PIK3C2G: variants seen among roughly 807,000 people sequenced by gnomAD.
PIK3C2G encodes phosphatidylinositol-4-phosphate 3-kinase catalytic subunit type 2 gamma, also known as phosphatidylinositol 3-kinase C2 domain-containing subunit gamma.
In PIK3C2G, 168 loss-of-function variants were observed where a neutral mutation model predicts 181.1. That is an observed-to-expected ratio of 0.93 (90% CI 0.82 to 1.05). The LOEUF (loss-of-function observed/expected upper bound fraction) is 1.05, where lower values mean the gene tolerates loss of function less well. PIK3C2G is among the 50% of genes least tolerant of loss of function. The pLI is 0.00. For missense variants in PIK3C2G, 1,869 were observed against 1,732.8 expected (o/e 1.08, Z -1.40); for synonymous variants, 573 against 592.2 (o/e 0.97, Z 0.47).
rs772599978 is a variant in PIK3C2G at position 18,594,484 on chromosome 12, T to G, written c.4012-10T>G. On this transcript the variant is annotated splice_polypyrimidine_tract_variant and intron_variant, in intron 29 of 32. Transcript: ENST00000538779. ...AATAAAGAAATATTATGTTTCATTT[T>G]GTTTTTCAGAGTGATTGTGTACTTA... The G allele has an allele frequency of 1.5e-5, 23 of 1,508,902 alleles. No homozygotes were observed. The highest frequency in any genetic ancestry group is 2.0e-5 in the Non-Finnish European group (23 of 1,122,322). 93.5% of individuals were successfully genotyped at this position (1,508,902 alleles called of 1,614,324 possible).
intron 14 of PIK3C2G, among the ~76,000 whole-genome samples, chr12:18,382,458 T>C (rs558751031): frequency 3.4e-4 from 51 of 152,168 alleles, no homozygotes; most frequent in Admixed American, 1.6e-3. Context: ...TGATTGTAGT[T>C]TGTCAGGTTG....
intron 14 of PIK3C2G, among the ~76,000 whole-genome samples, chr12:18,387,502 G>T (rs1943250376): frequency 6.6e-6 from 1 of 152,064 alleles, no homozygotes; most frequent in Admixed American, 6.6e-5. Flanking sequence ...TATGAATACT[G>T]TTCCCTGTCT....
At chr12:18,680,564 C>G in the PIK3C2G span, among the ~76,000 whole-genome samples, 5 of 152,050 alleles carry the variant, frequency 3.3e-5, no homozygotes, top group East Asian at 9.7e-4. Context: ...TATTTGAGAC[C>G]CTAACCAACC....
At chr12:18,328,424 C>T (rs527993280) in intron 8 of PIK3C2G, among the ~76,000 whole-genome samples, 2 of 152,062 alleles carry the variant, frequency 1.3e-5, no homozygotes, top group Admixed American at 6.5e-5. Context: ...AAAGAGGACA[C>T]ATAGGGATTT....
intron 18 of PIK3C2G, among the ~76,000 whole-genome samples, chr12:18,441,216 G>A (rs1946730611): frequency 2.0e-5 from 3 of 152,096 alleles, no homozygotes; most frequent in Non-Finnish European, 2.9e-5. Flanking sequence ...GCACCATAGA[G>A]GTCATTGGAG....
At position 18,549,986 on chromosome 12, in the gene PIK3C2G, A is replaced by G. The variant is rs914934981; in HGVS notation, c.3590+3554A>G. ...TGAGGCTCACTATCCCCTAACTTCC[A>G]AGAGCCCATCTCAGTCATATTTTTT... is the stretch of plus-strand genomic sequence containing the variant. On this transcript the variant is annotated intron_variant, in intron 26 of 32. Transcript: ENST00000538779. 2.6e-5 allele frequency among the ~76,000 whole-genome samples: 4 copies of G among 152,014 alleles called. No homozygotes were observed. In the Middle Eastern group the frequency reaches 0.01, roughly 390 times the overall value.
intron 30 of PIK3C2G, among the ~76,000 whole-genome samples, chr12:18,607,586 C>A (rs1056374799): frequency 2.0e-5 from 3 of 152,162 alleles, no homozygotes; most frequent in Non-Finnish European, 4.4e-5. Context: ...AGACCTAAAA[C>A]CATAAAACCC....
In PIK3C2G at chr12:18,507,365, G is replaced by A. The variant is rs1203641163; in HGVS notation, c.3323+1904G>A. 5.6e-4 allele frequency among the ~76,000 whole-genome samples: 86 copies of A among 152,246 alleles called. 1 individual carries two copies. The highest frequency in any genetic ancestry group is 4.4e-5 in the Non-Finnish European group (3 of 68,014). The stretch of plus-strand genomic sequence containing the variant: ...CTTAAATGTCCACTGGGAATGGTCT[G>A]TGTGCCAAGGACTGTGATAAACATT... On this transcript the variant is annotated intron_variant, in intron 24 of 32. Transcript: ENST00000538779.
chr12:18,572,661 C>T (rs1946018029), intron 29 of PIK3C2G, among the ~76,000 whole-genome samples: 1 of 151,812 alleles, frequency 6.6e-6, no homozygotes, highest in Admixed American at 6.6e-5. Context: ...ATTGTGACTT[C>T]AAATATTGCT....
chr12:18,319,862 C>T (rs1190714996), intron 6 of PIK3C2G, among the ~76,000 whole-genome samples: 1 of 152,146 alleles, frequency 6.6e-6, no homozygotes, highest in Admixed American at 6.5e-5. Context: ...TTTATTTTAG[C>T]TGTCCCAGTG....
At chr12:18,708,062 G>A in the PIK3C2G span, among the ~76,000 whole-genome samples, 2 of 152,170 alleles carry the variant, frequency 1.3e-5, no homozygotes, top group African/African-American at 2.4e-5. Flanking sequence ...ACCATATACA[G>A]TATAACTTTA....
downstream of PIK3C2G, among the ~76,000 whole-genome samples, chr12:18,650,026 T>C (rs1408506520): frequency 6.6e-6 from 1 of 152,078 alleles, no homozygotes; most frequent in Non-Finnish European, 1.5e-5. Flanking sequence ...TTATATATCA[T>C]CTGAATACTG....
chr12:18,392,474 C>G (rs907402713), intron 15 of PIK3C2G, among the ~76,000 whole-genome samples: 6 of 152,132 alleles, frequency 3.9e-5, no homozygotes, highest in African/African-American at 1.4e-4. Context: ...TGTGCTAGTC[C>G]TGCTCCCATC....
At chr12:18,631,233 C>A (rs1245275986) in intron 31 of PIK3C2G, among the ~76,000 whole-genome samples, 1 of 152,020 alleles carries the variant, frequency 6.6e-6, no homozygotes, top group Non-Finnish European at 1.5e-5. Context: ...AGAGAAGTTT[C>A]TCTTAAAGAT....
intron 26 of PIK3C2G, among the ~76,000 whole-genome samples, chr12:18,549,761 G>T (rs895820909): frequency 3.3e-5 from 5 of 151,922 alleles, no homozygotes; most frequent in African/African-American, 1.2e-4. Flanking sequence ...TTCCTTTCTG[G>T]AACTGCTATC....
chr12:18,437,625 C>CT (rs1946516318), intron 18 of PIK3C2G, among the ~76,000 whole-genome samples: 1 of 151,934 alleles, frequency 6.6e-6, no homozygotes, highest in African/African-American at 2.4e-5. Context: ...AAATTGGGCA[C>CT]TAGGCCCATA....
At chr12:18,569,310 G>A (rs778884290) in intron 29 of PIK3C2G, among the ~76,000 whole-genome samples, 1 of 151,586 alleles carries the variant, frequency 6.6e-6, no homozygotes, top group Non-Finnish European at 1.5e-5. Flanking sequence ...TCCCCAGCTG[G>A]GACTCCATCC....
chr12:18,624,728 A>T (rs11044221), intron 31 of PIK3C2G, among the ~76,000 whole-genome samples: 44,640 of 151,246 alleles, frequency 0.3, 8,456 homozygotes, highest in African/African-American at 0.55. Context: ...TCATTAATGA[A>T]CTATTCAGAT....
intron 24 of PIK3C2G, among the ~76,000 whole-genome samples, chr12:18,536,933 A>G (rs1212469819): frequency 6.6e-6 from 1 of 152,128 alleles, no homozygotes; most frequent in African/African-American, 2.4e-5. Context: ...AAGTGAAGGT[A>G]CTGGTATTCC....
Sources: allele counts gnomAD v4.1 joint callset (sites outside exome capture counted in the v4.1 genomes callset), GRCh38; gene constraint gnomAD v4.1.1; transcripts MANE v1.5; gene names NCBI Gene and HGNC (gene_info 2026-07-23, HGNC 2026-07-21).